DTNBP1: variants seen among roughly 807,000 people sequenced by gnomAD.
DTNBP1 encodes dysbindin.
In DTNBP1, 35 loss-of-function variants were observed where a neutral mutation model predicts 42.8. The observed-to-expected ratio is 0.82, with a 90% confidence interval of 0.63 to 1.09. DTNBP1 has a LOEUF of 1.09. Ranked by LOEUF, DTNBP1 falls within the 50% of genes least tolerant of loss-of-function variation. The probability of loss-of-function intolerance (pLI) is 0.00; values close to 1 mark genes in which losing one functional copy is unlikely to be tolerated. For missense variants in DTNBP1, 457 were observed against 424.2 expected, an observed-to-expected ratio of 1.08 and a Z score of -0.68; for synonymous variants, 171 against 162.2, an observed-to-expected ratio of 1.05 and a Z score of -0.41.
At chr6:15,599,892 C>G (rs1344274958) in intron 6 of DTNBP1, among the ~76,000 whole-genome samples, 2 of 152,124 alleles carry the variant, frequency 1.3e-5, no homozygotes, top group East Asian at 3.8e-4. Flanking sequence ...TTCTTAGTGG[C>G]TAGCCAATTC....
intron 3 of DTNBP1, among the ~76,000 whole-genome samples, chr6:15,641,525 C>G (rs1760352871): frequency 6.6e-6 from 1 of 152,152 alleles, no homozygotes; most frequent in Non-Finnish European, 1.5e-5. Flanking sequence ...GGAGAGTGCT[C>G]CTCTGCCCTT....
chr6:15,632,710 T>C (rs1443672290), intron 4 of DTNBP1, among the ~76,000 whole-genome samples: 1 of 152,252 alleles, frequency 6.6e-6, no homozygotes, highest in Non-Finnish European at 1.5e-5. Context: ...TTTTATGAAA[T>C]GTATTTTCTG....
At chr6:15,590,266 C>G (rs760422516) in intron 7 of DTNBP1, among the ~76,000 whole-genome samples, 7 of 151,962 alleles carry the variant, frequency 4.6e-5, no homozygotes, top group Non-Finnish European at 8.8e-5. Context: ...AATTCGGATT[C>G]AACCTTTACA....
intron 3 of DTNBP1, among the ~76,000 whole-genome samples, chr6:15,640,081 C>T (rs373258963): frequency 1.3e-5 from 2 of 152,194 alleles, no homozygotes; most frequent in East Asian, 1.9e-4. Context: ...CCTAGACTAT[C>T]GCAACCATTC....
At chr6:15,654,119 C>A (rs913624379) in intron 1 of DTNBP1, among the ~76,000 whole-genome samples, 5 of 152,138 alleles carry the variant, frequency 3.3e-5, no homozygotes, top group Admixed American at 2.0e-4. Context: ...TTGACAAGAT[C>A]AATTCCTCTG....
At chr6:15,659,048 C>T (rs1458564599) in intron 1 of DTNBP1, among the ~76,000 whole-genome samples, 2 of 152,086 alleles carry the variant, frequency 1.3e-5, no homozygotes, top group African/African-American at 2.4e-5. Context: ...GAGCTCCCCC[C>T]AAACCACCAG....
At position 15,530,043 on chromosome 6, in the gene DTNBP1, A is replaced by C. The variant is rs148349610; in HGVS notation, c.667+3197T>G. On this transcript the variant is annotated intron_variant, in intron 8 of 9. Coordinates refer to ENST00000344537, the MANE Select transcript of DTNBP1 (RefSeq NM_032122.5). The stretch of plus-strand genomic sequence containing the variant: ...ACCCCTTCCTCTGATGATTCTCTGG[A>C]TAAAACTTTCCATGGCCTTGTCTTA... 1.9e-3 allele frequency among the ~76,000 whole-genome samples: 294 copies of C among 152,402 alleles called. 4 individuals are homozygous for C. In the Middle Eastern group the frequency reaches 0.024, roughly 12 times the overall value.
chr6:15,633,848 G>C (rs764116211), intron 4 of DTNBP1, among the ~76,000 whole-genome samples: 38 of 151,902 alleles, frequency 2.5e-4, no homozygotes, highest in Non-Finnish European at 2.8e-4. Context: ...TTCACTGAAG[G>C]CTCAGGCAAT....
intron 6 of DTNBP1, 127 bp from the exon 7 acceptor site, chr6:15,593,208 A>G (rs534131620): frequency 3.6e-6 from 3 of 840,178 alleles, no homozygotes; most frequent in Admixed American, 2.7e-5. Flanking sequence ...GGATCTTCAC[A>G]TATCAGTTAT....
At chr6:15,562,632 G>A (rs1774894365) in intron 7 of DTNBP1, among the ~76,000 whole-genome samples, 1 of 152,124 alleles carries the variant, frequency 6.6e-6, no homozygotes, top group South Asian at 2.1e-4. Flanking sequence ...TTCTGGTAAG[G>A]AAAACTCAAT....
At chr6:15,526,801 C>T (rs1772435608) in intron 8 of DTNBP1, among the ~76,000 whole-genome samples, 1 of 152,138 alleles carries the variant, frequency 6.6e-6, no homozygotes, top group African/African-American at 2.4e-5. Flanking sequence ...TTGTCTGTGC[C>T]ATCTTCTTGA....
At chr6:15,533,167 C>G in intron 8 of DTNBP1, 73 bp downstream of exon 8, 1 of 1,600,650 alleles carries the variant, frequency 6.2e-7, no homozygotes, top group Non-Finnish European at 8.5e-7. Flanking sequence ...ATGCCCTGCT[C>G]TGGGGAGAGG....
intron 8 of DTNBP1, among the ~76,000 whole-genome samples, chr6:15,532,334 T>G (rs1455796202): frequency 1.3e-5 from 2 of 152,226 alleles, no homozygotes; most frequent in African/African-American, 2.4e-5. Context: ...TCTAATCAGC[T>G]TGTTCCTTAC....
chr6:15,568,205 G>A (rs748299484), intron 7 of DTNBP1, among the ~76,000 whole-genome samples: 3 of 152,250 alleles, frequency 2.0e-5, no homozygotes, highest in South Asian at 4.2e-4. Flanking sequence ...TATCCCTGAA[G>A]AAAAGAATCT....
chr6:15,533,309 CA>C lies in DTNBP1; in HGVS notation c.597del (p.Phe199LeufsTer27). On this transcript the variant is annotated frameshift_variant, in exon 8 of 10. Transcript: ENST00000344537. LOFTEE classifies it high-confidence loss of function. The stretch of plus-strand genomic sequence containing the variant: ...TCCATGTCCTGCTGGAAGGCTTCCT[CA>C]AAAAACTTCTGCCGCTCCTTCAGCT... ...QMKLKERQKF[F>X]EEAFQQDMEQ... The C allele has an allele frequency of 1.2e-6, 2 of 1,614,200 alleles. No individual in the cohort carries two copies. The highest frequency in any genetic ancestry group is 1.7e-6 in the Non-Finnish European group (2 of 1,180,034).
At chr6:15,618,202 T>G (rs541493233) in intron 5 of DTNBP1, among the ~76,000 whole-genome samples, 1 of 151,982 alleles carries the variant, frequency 6.6e-6, no homozygotes, top group Non-Finnish European at 1.5e-5. Context: ...GCAAATGAAC[T>G]GAATAGACAT....
intron 5 of DTNBP1, among the ~76,000 whole-genome samples, chr6:15,625,715 C>A (rs556630996): frequency 6.6e-6 from 1 of 152,132 alleles, no homozygotes; most frequent in Non-Finnish European, 1.5e-5. Flanking sequence ...TATCCGTAAA[C>A]AGATTTACTC....
intron 6 of DTNBP1, among the ~76,000 whole-genome samples, chr6:15,607,009 A>AT (rs1561987566): frequency 6.6e-5 from 9 of 137,092 alleles, no homozygotes; most frequent in African/African-American, 2.1e-4. Context: ...GTCAAAAAAA[A>AT]ATTTTTTTTT....
In DTNBP1 at chr6:15,522,886, C is replaced by G. The variant is rs1771994488; in HGVS notation, c.*89G>C. On this transcript the variant is annotated 3_prime_UTR_variant, in exon 10 of 10. Transcript: ENST00000344537. ...TGGCAATTATGTAAAAATCAAGAACCTCTATAAAACAACCTGGCTTTCCAG... is the reference window on the plus strand; with the variant it reads ...TGGCAATTATGTAAAAATCAAGAACGTCTATAAAACAACCTGGCTTTCCAG... The G allele has an allele frequency of 6.2e-7, 1 of 1,609,074 alleles. No individual in the cohort carries two copies. Among genetic ancestry groups the G allele is most frequent in the African/African-American group, 1.3e-5 (1 of 74,898 alleles).
Sources: gnomAD v4.1 joint callset for allele counts (sites outside exome capture counted in the v4.1 genomes callset) on GRCh38, gnomAD v4.1.1 for gene constraint, MANE v1.5 for transcripts, NCBI Gene and HGNC (gene_info 2026-07-23, HGNC 2026-07-21) for gene names.